OPA3: variants seen among roughly 807,000 people sequenced by gnomAD.
OPA3 encodes the protein outer mitochondrial membrane lipid metabolism regulator OPA3.
OPA3 carries 6 observed loss-of-function variants against 4.0 expected under a neutral mutation model. The ratio of observed to expected loss-of-function variants is 1.51; its 90% confidence interval spans 0.83 to 2.99. The LOEUF (loss-of-function observed/expected upper bound fraction) is 2.99, where lower values mean the gene tolerates loss of function less well. OPA3 is among the 30% of genes most tolerant of loss of function. The probability of loss-of-function intolerance (pLI) is 0.00; values close to 1 mark genes in which losing one functional copy is unlikely to be tolerated. For synonymous variants in OPA3, 105 were observed against 117.1 expected (o/e 0.90, Z 0.67); for missense variants, 235 against 256.2 (o/e 0.92, Z 0.56).
intron 1 of OPA3, chr19:45,584,247 A>T: frequency 1.4e-6 from 1 of 735,066 alleles, no homozygotes; most frequent in Non-Finnish European, 1.7e-6. Context: ...TTGCCCAAGG[A>T]CAGCCGGGCA....
chr19:45,572,619 GAT>G (rs1969698188), intron 1 of OPA3, among the ~76,000 whole-genome samples: 2 of 124,396 alleles, frequency 1.6e-5, no homozygotes, highest in Non-Finnish European at 3.4e-5. Context: ...TATATATCAT[GAT>G]ATATGTATAT....
exon 2 of OPA3, chr19:45,528,441 G>A (rs1282750164): frequency 6.5e-6 from 1 of 153,132 alleles, no homozygotes; most frequent in Non-Finnish European, 1.5e-5. Context: ...AGGAGCCGCA[G>A]GGTGGTGACT....
chr19:45,531,279 G>C (rs1451250716), intron 1 of OPA3, among the ~76,000 whole-genome samples: 1 of 151,996 alleles, frequency 6.6e-6, no homozygotes, highest in Non-Finnish European at 1.5e-5. Flanking sequence ...TTAAATGCCA[G>C]CTGGACTCAC....
chr19:45,577,002 G>A (rs1254692021), intron 1 of OPA3, among the ~76,000 whole-genome samples: 1 of 152,174 alleles, frequency 6.6e-6, no homozygotes, highest in Non-Finnish European at 1.5e-5. Flanking sequence ...AAACACAGAT[G>A]AGCTGGAATT....
downstream of OPA3, among the ~76,000 whole-genome samples, chr19:45,543,617 G>A (rs1006581826): frequency 1.3e-5 from 2 of 151,906 alleles, no homozygotes; most frequent in African/African-American, 2.4e-5. Flanking sequence ...GCGCCCAGCT[G>A]TATTTTAATT....
chr19:45,551,793 G>C lies in OPA3; in HGVS notation c.*1721C>G. 1.0e-6 allele frequency: 1 copy of C among 985,502 alleles called. No individual in the cohort carries two copies. The highest frequency in any genetic ancestry group is 1.2e-6 in the Non-Finnish European group (1 of 829,998). The allele number at this position is 985,502 out of a possible 1,614,324, so 61.0% of individuals were successfully genotyped here. A position where few individuals can be genotyped will look rare whatever the true frequency, so the allele number is the denominator to read the frequency against. ...ACTGCTACATGAAGACAGGCTGTCG[G>C]GTCAGTCCAGAGCTCCGAGGAAAGA... On this transcript the variant is annotated 3_prime_UTR_variant, in exon 2 of 2. Transcript: ENST00000263275.
chr19:45,570,862 CAAA>C (rs551869767), intron 1 of OPA3, among the ~76,000 whole-genome samples: 3 of 67,756 alleles, frequency 4.4e-5, no homozygotes, highest in Non-Finnish European at 6.2e-5. Context: ...GACTCTGTCT[CAAA>C]AAAAAAAAAA....
chr19:45,529,381 T>G, exon 2 of OPA3: 1 of 1,614,208 alleles, frequency 6.2e-7, no homozygotes. Context: ...GGCTGCACCC[T>G]CGTTCAGCGG....
chr19:45,539,753 CAAA>C (rs758168568), intron 1 of OPA3, among the ~76,000 whole-genome samples: 5 of 110,474 alleles, frequency 4.5e-5, no homozygotes, highest in Non-Finnish European at 1.9e-5. Context: ...GACCTTGTCT[CAAA>C]AAAAAAAAAA....
intron 1 of OPA3, among the ~76,000 whole-genome samples, chr19:45,566,764 G>A (rs574788211): frequency 9.2e-5 from 14 of 151,936 alleles, no homozygotes; most frequent in Non-Finnish European, 1.8e-4. Flanking sequence ...GTGAGCCACC[G>A]CACCTGGCTC....
chr19:45,539,498 G>A (rs1339742993), intron 1 of OPA3, among the ~76,000 whole-genome samples: 3 of 152,068 alleles, frequency 2.0e-5, no homozygotes, highest in African/African-American at 4.8e-5. Flanking sequence ...TGTATGTTTT[G>A]TAGAGATGAG....
At chr19:45,530,220 A>G (rs1969044312) in intron 1 of OPA3, among the ~76,000 whole-genome samples, 2 of 152,106 alleles carry the variant, frequency 1.3e-5, no homozygotes, top group African/African-American at 4.8e-5. Flanking sequence ...CGGGCGTGAT[A>G]GCGCGTGCCT....
chr19:45,532,173 G>A (rs1011085415), intron 1 of OPA3, among the ~76,000 whole-genome samples: 1 of 152,176 alleles, frequency 6.6e-6, no homozygotes, highest in Non-Finnish European at 1.5e-5. Flanking sequence ...GGACACCAAG[G>A]CTCAGGTAGG....
chr19:45,528,093 C>T (rs2122364156), exon 2 of OPA3: 1 of 152,408 alleles, frequency 6.6e-6, no homozygotes, highest in African/African-American at 2.4e-5. Flanking sequence ...AGTAAAGGGA[C>T]AGGCCGGTCC....
chr19:45,580,023 G>T (rs1969825074), intron 1 of OPA3, among the ~76,000 whole-genome samples: 1 of 141,242 alleles, frequency 7.1e-6, no homozygotes, highest in Non-Finnish European at 1.5e-5. Flanking sequence ...TTGATATGGA[G>T]TCTCGCTCTG....
intron 1 of OPA3, among the ~76,000 whole-genome samples, chr19:45,580,346 T>G (rs1193691498): frequency 7.1e-6 from 1 of 140,608 alleles, no homozygotes; most frequent in East Asian, 2.1e-4. Context: ...CAGGCTGGAG[T>G]GCAATGGCGT....
At chr19:45,581,294 C>T (rs1296079149) in intron 1 of OPA3, among the ~76,000 whole-genome samples, 1 of 152,142 alleles carries the variant, frequency 6.6e-6, no homozygotes, top group African/African-American at 2.4e-5. Flanking sequence ...CTTTAAGCAT[C>T]CAAACTTACA....
In OPA3 at chr19:45,575,718, C is replaced by T. The variant is rs116644246; in HGVS notation, c.142+8905G>A. On this transcript the variant is annotated intron_variant, in intron 1 of 1. Coordinates refer to ENST00000263275, the MANE Select transcript of OPA3 (RefSeq NM_025136.4). ...TTCTCCTGGGCTCAAGCAATCCTGCCGCAGCCTCCTGAGTGGCTAAAACTA... is the reference window on the plus strand; with the variant it reads ...TTCTCCTGGGCTCAAGCAATCCTGCTGCAGCCTCCTGAGTGGCTAAAACTA... Among the ~76,000 whole-genome samples the T allele has an allele frequency of 7.1e-3, 1,075 of 152,220 alleles. 14 individuals are homozygous for T. The highest frequency in any genetic ancestry group is 0.024 in the African/African-American group (1,011 of 41,538).
intron 1 of OPA3, among the ~76,000 whole-genome samples, chr19:45,576,988 G>C (rs1969778603): frequency 6.6e-6 from 1 of 152,152 alleles, no homozygotes; most frequent in African/African-American, 2.4e-5. Flanking sequence ...CGCGCCAAAG[G>C]AATAAACACA....
Sources: gnomAD v4.1 joint callset for allele counts (sites outside exome capture counted in the v4.1 genomes callset) on GRCh38, gnomAD v4.1.1 for gene constraint, MANE v1.5 for transcripts, NCBI Gene and HGNC (gene_info 2026-07-23, HGNC 2026-07-21) for gene names.